The following RNF38 variants were observed in gnomAD, a reference collection of about 807,000 sequenced individuals.
The protein encoded by RNF38 is ring finger protein 38.
A neutral mutation model predicts 67.2 loss-of-function variants in RNF38; 15 were observed. That is an observed-to-expected ratio of 0.22 (90% CI 0.15 to 0.34). RNF38 has a LOEUF of 0.34. Ranked by LOEUF, RNF38 falls within the 10% of genes least tolerant of loss-of-function variation. The probability of loss-of-function intolerance (pLI) is 1.00; values close to 1 mark genes in which losing one functional copy is unlikely to be tolerated. For synonymous variants in RNF38, 220 were observed against 218.8 expected (o/e 1.01, Z -0.05); for missense variants, 524 against 639.9 (o/e 0.82, Z 1.95).
chr9:36,402,013 ACT>A (rs1053291813), upstream of RNF38, among the ~76,000 whole-genome samples: 8 of 152,308 alleles, frequency 5.3e-5, no homozygotes, highest in African/African-American at 1.7e-4. Context: ...TATGAACAAC[ACT>A]ATATGGTAAT....
At chr9:36,430,626 G>A (rs1253812990) in intron 1 of RNF38, among the ~76,000 whole-genome samples, 1 of 152,132 alleles carries the variant, frequency 6.6e-6, no homozygotes, top group Non-Finnish European at 1.5e-5. Context: ...GACCAAGAAG[G>A]AAATGTCTGA....
intron 2 of RNF38, among the ~76,000 whole-genome samples, chr9:36,415,283 G>A (rs947777836): frequency 6.6e-6 from 1 of 151,982 alleles, no homozygotes; most frequent in African/African-American, 2.4e-5. Context: ...CCTTATCTTT[G>A]AGCCCTCAAC....
chr9:36,449,820 G>T lies in RNF38; in HGVS notation n.242-25137C>A, dbSNP rs1044272597. ...AGCAGGGGAAGTTGCTCAACTGGAT[G>T]GAAGAAGCTTTGTGGACTTCTCACT... On this transcript the variant is annotated intron_variant and non_coding_transcript_variant, in intron 1 of 3. Transcript: ENST00000488058. 3.9e-5 allele frequency among the ~76,000 whole-genome samples: 6 copies of T among 152,130 alleles called. No homozygotes were observed. In the South Asian group the frequency reaches 1.0e-3, roughly 26 times the overall value.
intron 4 of RNF38, 117 bp downstream of exon 4, chr9:36,369,602 A>T: frequency 1.3e-6 from 1 of 762,008 alleles, no homozygotes; most frequent in East Asian, 2.6e-5. Flanking sequence ...AGGAACTTAA[A>T]TAACTTCATT....
intron 1 of RNF38, among the ~76,000 whole-genome samples, chr9:36,483,890 C>T (rs1167796058): frequency 6.6e-6 from 1 of 152,140 alleles, no homozygotes; most frequent in Non-Finnish European, 1.5e-5. Context: ...AGGTAGTGGG[C>T]CCCTTAGCTA....
At chr9:36,451,839 T>G (rs184849432) in intron 1 of RNF38, among the ~76,000 whole-genome samples, 1 of 152,074 alleles carries the variant, frequency 6.6e-6, no homozygotes, top group Non-Finnish European at 1.5e-5. Context: ...AGGCAATATA[T>G]AGTAAAGATT....
chr9:36,391,910 G>A (rs1242809333), intron 1 of RNF38, among the ~76,000 whole-genome samples: 1 of 152,120 alleles, frequency 6.6e-6, no homozygotes, highest in African/African-American at 2.4e-5. Context: ...ACTGCGCCCG[G>A]CCCGTTTCCT....
At chr9:36,426,237 C>T (rs1421149353) in intron 1 of RNF38, among the ~76,000 whole-genome samples, 1 of 151,886 alleles carries the variant, frequency 6.6e-6, no homozygotes, top group African/African-American at 2.4e-5. Context: ...GTATACAATT[C>T]AATTTTTTTT....
intron 1 of RNF38, among the ~76,000 whole-genome samples, chr9:36,435,023 T>TA (rs1839029507): frequency 6.6e-6 from 1 of 152,080 alleles, no homozygotes; most frequent in African/African-American, 2.4e-5. Flanking sequence ...TATGTACTGA[T>TA]AAAGAAAAAG....
intron 6 of RNF38, among the ~76,000 whole-genome samples, chr9:36,353,978 A>G (rs1167825484): frequency 6.6e-6 from 1 of 152,188 alleles, no homozygotes; most frequent in Admixed American, 6.6e-5. Flanking sequence ...CTCAAACAAA[A>G]ACAAAAACAA....
chr9:36,401,336 C>CAG, upstream of RNF38: 1 of 482,388 alleles, frequency 2.1e-6, no homozygotes, highest in Non-Finnish European at 2.7e-6. Flanking sequence ...GACCGCAGGG[C>CAG]CCTGTTCCAA....
At chr9:36,481,103 C>T (rs1238948820) in intron 1 of RNF38, among the ~76,000 whole-genome samples, 2 of 151,612 alleles carry the variant, frequency 1.3e-5, no homozygotes, top group South Asian at 2.1e-4. Context: ...CAACCTCCGC[C>T]TCCTGGGTTC....
At chr9:36,483,335 G>A (rs1408564071) in intron 1 of RNF38, among the ~76,000 whole-genome samples, 1 of 151,972 alleles carries the variant, frequency 6.6e-6, no homozygotes, top group Non-Finnish European at 1.5e-5. Context: ...GCAGTGAGCC[G>A]AGATTGCGCC....
intron 11 of RNF38, among the ~76,000 whole-genome samples, chr9:36,341,461 T>A (rs1216487926): frequency 1.3e-5 from 2 of 152,184 alleles, no homozygotes; most frequent in South Asian, 2.1e-4. Flanking sequence ...ATTTTTTTTA[T>A]ATAGTCATGG....
chr9:36,421,003 C>T (rs1016314208), intron 2 of RNF38, among the ~76,000 whole-genome samples: 4 of 152,176 alleles, frequency 2.6e-5, no homozygotes, highest in Non-Finnish European at 4.4e-5. Flanking sequence ...GGGGATTGGA[C>T]ACCACCTCCA....
chr9:36,472,585 A>C (rs1168223074), intron 1 of RNF38, among the ~76,000 whole-genome samples: 1 of 152,212 alleles, frequency 6.6e-6, no homozygotes, highest in South Asian at 2.1e-4. Context: ...CTTTGACCTT[A>C]GAAGCCCATT....
rs774690787 is a variant in RNF38, at chr9:36,352,750, T to C, written c.1170A>G (p.Pro390=). ...PPPPYHPSLL[P]YVLSMLPVPP... ...GATAAGAAAGAACTTACAACACATATGGCAGTAAGCTGGGATGATAAGGGG... is the reference window on the plus strand; with the variant it reads ...GATAAGAAAGAACTTACAACACATACGGCAGTAAGCTGGGATGATAAGGGG... Residue 390 remains proline (P), a synonymous_variant, in exon 8 of 12, where the codon CCA becomes CCG. Transcript: ENST00000259605. 5 of 1,607,786 alleles carry C rather than the reference T, an allele frequency of 3.1e-6. No homozygotes were observed. The South Asian group carries it at 3.3e-5, about 11-fold the overall frequency.
upstream of RNF38, among the ~76,000 whole-genome samples, chr9:36,405,829 A>G (rs1838165355): frequency 6.6e-6 from 1 of 152,272 alleles, no homozygotes; most frequent in South Asian, 2.1e-4. Flanking sequence ...CCGTTGCTAC[A>G]AATACATTTT....
intron 1 of RNF38, among the ~76,000 whole-genome samples, chr9:36,445,845 G>A (rs186443873): frequency 6.6e-6 from 1 of 152,348 alleles, no homozygotes; most frequent in East Asian, 1.9e-4. Flanking sequence ...TGAAATGACA[G>A]CCTAGGGAAA....
Sources: allele counts gnomAD v4.1 joint callset (sites outside exome capture counted in the v4.1 genomes callset), GRCh38; gene constraint gnomAD v4.1.1; transcripts MANE v1.5; gene names NCBI Gene and HGNC (gene_info 2026-07-23, HGNC 2026-07-21).